STIL: variants seen among roughly 807,000 people sequenced by gnomAD.
STIL encodes the protein STIL centriolar assembly protein.
STIL carries 55 observed loss-of-function variants against 110.1 expected under a neutral mutation model. The ratio of observed to expected loss-of-function variants is 0.50; its 90% CI spans 0.40 to 0.63. The LOEUF (loss-of-function observed/expected upper bound fraction) is 0.63, where lower values mean the gene tolerates loss of function less well. Ranked by LOEUF, STIL falls within the 20% of genes least tolerant of loss-of-function variation. The pLI is 0.00. For missense variants in STIL, 1,358 were observed against 1,530.0 expected (o/e 0.89, Z 1.87); for synonymous variants, 481 against 530.0 (o/e 0.91, Z 1.27).
chr1:47,275,535 G>A (rs1210651553), intron 12 of STIL, among the ~76,000 whole-genome samples: 2 of 151,752 alleles, frequency 1.3e-5, no homozygotes, highest in African/African-American at 4.8e-5. Context: ...GTGAACCCGG[G>A]AGGCAGAGCT....
chr1:47,300,634 A>AT (rs1455189062), intron 5 of STIL, among the ~76,000 whole-genome samples: 5 of 152,046 alleles, frequency 3.3e-5, no homozygotes, highest in African/African-American at 1.2e-4. Context: ...CACCCAGCTA[A>AT]TTTTTTATAT....
intron 1 of STIL, among the ~76,000 whole-genome samples, chr1:47,311,283 CTTTT>C (rs536667689): frequency 1.5e-5 from 2 of 132,212 alleles, no homozygotes; most frequent in Admixed American, 7.7e-5. Context: ...TTCTTTTTTT[CTTTT>C]TTTTTTTTTT....
Position 47,280,757 on chromosome 1 carries a change from C to A in STIL, c.1701G>T (p.Pro567=), listed in dbSNP as rs368458430. The change falls in exon 12 of 17, where the codon CCG becomes CCT. Residue 567 remains proline (P), a synonymous_variant. Transcript: ENST00000371877. ...TLNSRQSSLA[P]QSQPHDFVFS... ...AAACAAAATCGTGTGGTTGGGACTG[C>A]GGGGCAAGAGAAGACTGCCTAGAAT... 8.7e-6 allele frequency: 14 copies of A among 1,613,698 alleles called. No homozygotes were observed. Among genetic ancestry groups the A allele is most frequent in the East Asian group, 4.5e-5 (2 of 44,894 alleles).
At chr1:47,264,245 A>T (rs1160348152) in intron 14 of STIL, among the ~76,000 whole-genome samples, 1 of 152,250 alleles carries the variant, frequency 6.6e-6, no homozygotes, top group Non-Finnish European at 1.5e-5. Flanking sequence ...GGGTCCTCAC[A>T]AAACATTACA....
chr1:47,253,351 G>A (rs531344302), intron 16 of STIL, among the ~76,000 whole-genome samples: 53 of 152,096 alleles, frequency 3.5e-4, no homozygotes, highest in Admixed American at 3.4e-3. Flanking sequence ...ATCAATGCTC[G>A]ATTCTTATTT....
At chr1:47,303,334 G>A (rs1645862109) in intron 3 of STIL, among the ~76,000 whole-genome samples, 1 of 151,916 alleles carries the variant, frequency 6.6e-6, no homozygotes, top group African/African-American at 2.4e-5. Flanking sequence ...GGAGGATGAG[G>A]CAGGTGGATC....
At chr1:47,269,959 G>T in intron 13 of STIL, 93 bp from the exon 14 acceptor site, 1 of 1,180,680 alleles carries the variant, frequency 8.5e-7, no homozygotes, top group South Asian at 1.2e-5. Flanking sequence ...CATATTGGCT[G>T]GGTGCAATGG....
chr1:47,297,219 G>C (rs368397922), intron 6 of STIL, among the ~76,000 whole-genome samples: 3 of 152,068 alleles, frequency 2.0e-5, no homozygotes, highest in African/African-American at 7.2e-5. Flanking sequence ...ACGGGCGCCT[G>C]TAATCCCAGC....
At chr1:47,302,182 A>G (rs188982304) in intron 4 of STIL, 52 bp downstream of exon 4, 24 of 1,342,894 alleles carry the variant, frequency 1.8e-5, no homozygotes, top group South Asian at 1.3e-4. Context: ...CAGCCTCCCA[A>G]CGTGCTGGGA....
At chr1:47,289,366 T>C in intron 9 of STIL, 69 bp downstream of exon 9, 4 of 1,334,318 alleles carry the variant, frequency 3.0e-6, no homozygotes, top group Non-Finnish European at 4.3e-6. Flanking sequence ...GTAAAAGCTG[T>C]TGGGTTTAAA....
intron 1 of STIL, among the ~76,000 whole-genome samples, chr1:47,312,092 T>C (rs1296084301): frequency 6.6e-6 from 1 of 151,990 alleles, no homozygotes; most frequent in Admixed American, 6.6e-5. Context: ...TTAATCCAGA[T>C]GCAGAGATTA....
intron 15 of STIL, among the ~76,000 whole-genome samples, chr1:47,261,714 T>G (rs1182947900): frequency 1.4e-5 from 2 of 147,628 alleles, no homozygotes; most frequent in African/African-American, 2.5e-5. Flanking sequence ...CATTCCAGCC[T>G]GGGCAACAGA....
intron 15 of STIL, 102 bp from the exon 16 acceptor site, chr1:47,260,641 G>A: frequency 7.9e-7 from 1 of 1,271,518 alleles, no homozygotes; most frequent in Non-Finnish European, 1.1e-6. Flanking sequence ...GGGAAGCCAA[G>A]GCAGGAAGAT....
In STIL at chr1:47,260,558, A is replaced by G. The variant is rs765585891; in HGVS notation, c.2830-19T>C. ...CTTGACCCTGACAAAAAGAAAAAAAATTTTTTTGAAAAATCACTATTAACA... is the reference window on the plus strand; with the variant it reads ...CTTGACCCTGACAAAAAGAAAAAAAGTTTTTTTGAAAAATCACTATTAACA... On this transcript the variant is annotated intron_variant, in intron 15 of 16. Coordinates refer to ENST00000371877, the MANE Select transcript of STIL (RefSeq NM_001048166.1). 33 of 1,613,392 alleles carry G rather than the reference A, an allele frequency of 2.0e-5. No individual in the cohort carries two copies. The highest frequency in any genetic ancestry group is 3.3e-5 in the Admixed American group (2 of 59,980).
chr1:47,298,088 T>G (rs1275148681), intron 6 of STIL, among the ~76,000 whole-genome samples: 1 of 152,224 alleles, frequency 6.6e-6, no homozygotes, highest in African/African-American at 2.4e-5. Flanking sequence ...ATTTTTCCTT[T>G]GGGCCACTCC....
At chr1:47,289,629 A>G (rs1570207705) in intron 8 of STIL, 44 bp from the exon 9 acceptor site, 2 of 1,526,024 alleles carry the variant, frequency 1.3e-6, no homozygotes, top group African/African-American at 2.7e-5. Context: ...TGAGGATAAC[A>G]TGATGACACT....
intron 12 of STIL, among the ~76,000 whole-genome samples, chr1:47,276,871 T>C (rs1645009965): frequency 6.7e-6 from 1 of 149,370 alleles, no homozygotes; most frequent in Non-Finnish European, 1.5e-5. Flanking sequence ...AATTTAAGTT[T>C]GCCTAATGTT....
intron 2 of STIL, among the ~76,000 whole-genome samples, chr1:47,307,947 T>C (rs922927889): frequency 6.6e-6 from 1 of 152,170 alleles, no homozygotes; most frequent in East Asian, 1.9e-4. Flanking sequence ...CCAGGCTTAT[T>C]AGGAAGAGGA....
chr1:47,258,928 T>C (rs931565558), intron 16 of STIL, among the ~76,000 whole-genome samples: 1 of 150,706 alleles, frequency 6.6e-6, no homozygotes, highest in African/African-American at 2.4e-5. Flanking sequence ...CACATACACA[T>C]ATACTTGAAC....
Sources: gnomAD v4.1 joint callset for allele counts (sites outside exome capture counted in the v4.1 genomes callset) on GRCh38, gnomAD v4.1.1 for gene constraint, MANE v1.5 for transcripts, NCBI Gene and HGNC (gene_info 2026-07-23, HGNC 2026-07-21) for gene names.